Variants in GALK2 observed in about 807,000 individuals in gnomAD.
The protein encoded by GALK2 is N-acetylgalactosamine kinase.
GALK2 carries 36 observed loss-of-function variants against 52.4 expected under a neutral mutation model. The observed-to-expected ratio is 0.69, with a 90% confidence interval of 0.53 to 0.91. The LOEUF (loss-of-function observed/expected upper bound fraction) is 0.91, where lower values mean the gene tolerates loss of function less well. GALK2 is among the 40% of genes least tolerant of loss of function. GALK2 has a pLI of 0.00. For synonymous variants in GALK2, 176 were observed against 199.1 expected, an observed-to-expected ratio of 0.88 and a Z score of 0.98; for missense variants, 579 against 559.1, an observed-to-expected ratio of 1.04 and a Z score of -0.36.
At chr15:49,350,648 G>C (rs77750464) in intron 3 of GALK2, among the ~76,000 whole-genome samples, 9,911 of 152,172 alleles carry the variant, frequency 0.065, 687 homozygotes, top group African/African-American at 0.17. Context: ...ACCCCTATGA[G>C]GGTACTGTGA....
intron 8 of GALK2, among the ~76,000 whole-genome samples, chr15:49,305,664 A>G (rs910908579): frequency 2.0e-5 from 3 of 152,220 alleles, no homozygotes; most frequent in African/African-American, 7.2e-5. Flanking sequence ...AAATAGCAAG[A>G]TACATGCTTC....
At chr15:49,235,589 A>G (rs1482238636) in intron 3 of GALK2, 1 of 597,066 alleles carries the variant, frequency 1.7e-6, no homozygotes, top group Non-Finnish European at 3.1e-6. Flanking sequence ...ATAGTTGTAG[A>G]TTACTCTGAA....
intron 2 of GALK2, among the ~76,000 whole-genome samples, chr15:49,206,986 G>A (rs543077172): frequency 6.6e-6 from 1 of 152,202 alleles, no homozygotes; most frequent in South Asian, 2.1e-4. Flanking sequence ...GTCATAGATG[G>A]CTTTTATTAC....
chr15:49,199,600 T>C (rs992009954), intron 1 of GALK2, among the ~76,000 whole-genome samples: 4 of 152,200 alleles, frequency 2.6e-5, no homozygotes, highest in African/African-American at 9.6e-5. Flanking sequence ...TGGCCACAGA[T>C]GAATTTATCT....
Position 49,170,248 on chromosome 15 carries a change from C to T in GALK2, c.-75C>T. 1 of 1,543,736 alleles carries T rather than the reference C, an allele frequency of 6.5e-7. No individual in the cohort carries two copies. The highest frequency in any genetic ancestry group is 8.8e-7 in the Non-Finnish European group (1 of 1,141,890). ...TCCCGGAAGAAAACGGCTCCTGTCACAGAAGTCTCGTGATTGCTCTGGGAG... is the reference window on the plus strand; with the variant it reads ...TCCCGGAAGAAAACGGCTCCTGTCATAGAAGTCTCGTGATTGCTCTGGGAG... On this transcript the variant is annotated 5_prime_UTR_variant, in exon 1 of 10. Transcript: ENST00000560031.
rs558306274 is a variant in GALK2 at position 49,170,431 on chromosome 15, C to A, written c.53+56C>A. 2.9e-5 allele frequency: 45 copies of A among 1,531,688 alleles called. No individual in the cohort carries two copies. The African/African-American group carries it at 5.2e-4, about 18-fold the overall frequency. 94.9% of individuals were successfully genotyped at this position (1,531,688 alleles called of 1,614,324 possible). On this transcript the variant is annotated intron_variant, in intron 1 of 9. Coordinates refer to ENST00000560031, the MANE Select transcript of GALK2 (RefSeq NM_002044.4). ...TCTGCTGGGTTGGCTACGTGTAGAT[C>A]GGGTCCACAGCACTTGGCTCCTCCC...
At chr15:49,166,188 G>A (rs1002355956), upstream of GALK2, among the ~76,000 whole-genome samples, 1 of 152,150 alleles carries the variant, frequency 6.6e-6, no homozygotes, top group Non-Finnish European at 1.5e-5. Context: ...CAGAAAACAA[G>A]TAATTAGAGT....
At position 49,328,411 on chromosome 15, in the gene GALK2, G is replaced by A; in HGVS notation, c.*252G>A. The A allele has an allele frequency of 2.1e-6, 3 of 1,431,930 alleles. No individual in the cohort carries two copies. Among genetic ancestry groups the A allele is most frequent in the Middle Eastern group, 2.4e-4 (1 of 4,172 alleles). The allele number at this position is 1,431,930 out of a possible 1,614,324, so 88.7% of individuals were successfully genotyped here. A position where few individuals can be genotyped will look rare whatever the true frequency, so the allele number is the denominator to read the frequency against. On this transcript the variant is annotated 3_prime_UTR_variant, in exon 10 of 10. Transcript: ENST00000560031. The stretch of plus-strand genomic sequence containing the variant: ...ACAGATCTTTTAAGAATAACTTACT[G>A]AGATTTATTGATTTGAAGATTTTAA...
In GALK2 at chr15:49,327,846, G is replaced by C. The variant is rs2037786533; in HGVS notation, c.1170-106G>C. On this transcript the variant is annotated intron_variant, in intron 9 of 9. Coordinates refer to ENST00000560031, the MANE Select transcript of GALK2 (RefSeq NM_002044.4). ...TTGATGACACCTAAAAACCCCGCAT[G>C]TATTTTCTTCTTAGAACTTAGATAG... 6 of 1,044,420 alleles carry C rather than the reference G, an allele frequency of 5.7e-6. No individual in the cohort carries two copies. The South Asian group carries it at 9.2e-5, about 16-fold the overall frequency. The allele number at this position is 1,044,420 out of a possible 1,614,324, so 64.7% of individuals were successfully genotyped here.
At chr15:49,282,933 A>C (rs1221766937) in intron 6 of GALK2, among the ~76,000 whole-genome samples, 1 of 152,178 alleles carries the variant, frequency 6.6e-6, no homozygotes, top group Non-Finnish European at 1.5e-5. Flanking sequence ...ATGTTAATGT[A>C]AGTTAGCTAT....
At chr15:49,280,006 G>C (rs927567594) in intron 5 of GALK2, among the ~76,000 whole-genome samples, 3 of 152,202 alleles carry the variant, frequency 2.0e-5, no homozygotes, top group African/African-American at 7.2e-5. Context: ...CTGTCAGATG[G>C]TGTTTGGGCA....
At chr15:49,365,615 T>C (rs560111698) in intron 3 of GALK2, 44 of 1,107,662 alleles carry the variant, frequency 4.0e-5, no homozygotes, top group South Asian at 3.1e-4. Context: ...AATGGTGTTA[T>C]GAAAACAAAA....
At position 49,329,183 on chromosome 15, in the gene GALK2, T is replaced by C. The variant is rs1045208858; in HGVS notation, c.*1024T>C. The C allele has an allele frequency of 1.6e-5, 16 of 986,766 alleles. No individual in the cohort carries two copies. Among genetic ancestry groups the C allele is most frequent in the Admixed American group, 6.1e-5 (1 of 16,502 alleles). 61.1% of individuals were successfully genotyped at this position (986,766 alleles called of 1,614,324 possible). On this transcript the variant is annotated 3_prime_UTR_variant, in exon 10 of 10. Transcript: ENST00000560031. ...GCAGGTATGTGGGTGAAAGTGACTATGAAAAGACTTAATGAATTCTGGGAT... is the reference window on the plus strand; with the variant it reads ...GCAGGTATGTGGGTGAAAGTGACTACGAAAAGACTTAATGAATTCTGGGAT...
intron 1 of GALK2, among the ~76,000 whole-genome samples, chr15:49,184,244 GT>G (rs567765044): frequency 6.1e-5 from 9 of 146,952 alleles, no homozygotes; most frequent in South Asian, 2.1e-4. Context: ...TCTTCTTATA[GT>G]TTTTTTTTTG....
chr15:49,319,595 C>T lies in GALK2; in HGVS notation c.968-9C>T, dbSNP rs374067695. The T allele has an allele frequency of 7.4e-6, 12 of 1,613,758 alleles. No individual in the cohort carries two copies. The highest frequency in any genetic ancestry group is 1.0e-5 in the Non-Finnish European group (12 of 1,179,722). ...CCTAACCTCCTTCCCCATCCTCTTCCTTCCTCAGTGCTCATCTTCAAACTC... is the reference window on the plus strand; with the variant it reads ...CCTAACCTCCTTCCCCATCCTCTTCTTTCCTCAGTGCTCATCTTCAAACTC... On this transcript the variant is annotated splice_polypyrimidine_tract_variant and intron_variant, in intron 8 of 9. Transcript: ENST00000560031.
chr15:49,329,806 T>TC lies in GALK2; in HGVS notation c.*1647_*1648insC. On this transcript the variant is annotated 3_prime_UTR_variant, in exon 10 of 10. Coordinates refer to ENST00000560031, the MANE Select transcript of GALK2 (RefSeq NM_002044.4). ...TTCTTTAAAGATACCTGGATCAGTG[T>TC]AAAAAAAAAAAAAAAAAGGCACCTG... 1.4e-6 allele frequency: 1 copy of TC among 729,316 alleles called. No homozygotes were observed. Among genetic ancestry groups the TC allele is most frequent in the Non-Finnish European group, 1.6e-6 (1 of 608,852 alleles). 45.2% of individuals were successfully genotyped at this position (729,316 alleles called of 1,614,324 possible). A position where few individuals can be genotyped will look rare whatever the true frequency, so the allele number is the denominator to read the frequency against.
At chr15:49,334,172 A>G, downstream of GALK2, 1 of 773,216 alleles carries the variant, frequency 1.3e-6, no homozygotes, top group Non-Finnish European at 1.6e-6. Context: ...ACATCTCTTC[A>G]ATTAAAGATG....
chr15:49,224,961 A>G (rs1032344748), intron 3 of GALK2, among the ~76,000 whole-genome samples: 9 of 152,196 alleles, frequency 5.9e-5, no homozygotes, highest in African/African-American at 1.9e-4. Flanking sequence ...CAAGTGATGT[A>G]TATTGGCAGA....
intron 3 of GALK2, among the ~76,000 whole-genome samples, chr15:49,351,438 T>C (rs2042226457): frequency 6.6e-6 from 1 of 152,222 alleles, no homozygotes; most frequent in African/African-American, 2.4e-5. Context: ...AGGACAATGT[T>C]GATTTTTTTC....
Sources: gnomAD v4.1 joint callset for allele counts (sites outside exome capture counted in the v4.1 genomes callset) on GRCh38, gnomAD v4.1.1 for gene constraint, MANE v1.5 for transcripts, NCBI Gene and HGNC (gene_info 2026-07-23, HGNC 2026-07-21) for gene names.